Variants in EPG5 observed in about 807,000 individuals in gnomAD.
The protein encoded by EPG5 is ectopic P-granules 5 autophagy tethering factor.
In EPG5, 159 loss-of-function variants were observed where a neutral mutation model predicts 302.7. The ratio of observed to expected loss-of-function variants is 0.53; its 90% CI spans 0.46 to 0.60. The LOEUF (loss-of-function observed/expected upper bound fraction) is 0.60. EPG5 is among the 20% of genes least tolerant of loss of function. EPG5 has a pLI of 0.00. For missense variants in EPG5, 2,896 were observed against 3,092.4 expected, an observed-to-expected ratio of 0.94 and a Z score of 1.51; for synonymous variants, 1,158 against 1,136.8, an observed-to-expected ratio of 1.02 and a Z score of -0.37.
the EPG5 span, among the ~76,000 whole-genome samples, chr18:45,836,148 G>T: frequency 2.6e-5 from 4 of 152,264 alleles, no homozygotes; most frequent in African/African-American, 7.2e-5. Context: ...GGAGCAAATT[G>T]GGCTAAATTA....
At chr18:45,903,277 A>C (rs2049665590) in intron 25 of EPG5, among the ~76,000 whole-genome samples, 1 of 152,112 alleles carries the variant, frequency 6.6e-6, no homozygotes. Context: ...TTTCAAGAAA[A>C]AGTGCAGGGA....
chr18:45,814,006 T>G, the EPG5 span, among the ~76,000 whole-genome samples: 1 of 152,108 alleles, frequency 6.6e-6, no homozygotes, highest in East Asian at 1.9e-4. Flanking sequence ...GAGTAAAAAT[T>G]TGAAATGGGA....
intron 39 of EPG5, 45 bp from the exon 40 acceptor site, chr18:45,860,391 A>T (rs1568097201): frequency 1.2e-6 from 2 of 1,612,808 alleles, no homozygotes; most frequent in East Asian, 4.5e-5. Context: ...CCAGAAAGGT[A>T]CTATCCATGT....
chr18:45,949,436 T>G (rs373875571), intron 5 of EPG5, 48 bp downstream of exon 5: 1 of 1,140,500 alleles, frequency 8.8e-7, no homozygotes, highest in South Asian at 1.5e-5. Context: ...TAATGTCTAA[T>G]AAAACCTCTC....
At chr18:45,877,699 G>A (rs1235279909) in intron 34 of EPG5, among the ~76,000 whole-genome samples, 6 of 152,140 alleles carry the variant, frequency 3.9e-5, no homozygotes, top group African/African-American at 9.7e-5. Flanking sequence ...AGTTCTAGTC[G>A]CAGCTTCAGC....
intron 14 of EPG5, among the ~76,000 whole-genome samples, chr18:45,924,098 T>C (rs1476122218): frequency 6.6e-6 from 1 of 152,080 alleles, no homozygotes; most frequent in Non-Finnish European, 1.5e-5. Flanking sequence ...CTATCATTAG[T>C]TACAATAAAT....
chr18:45,903,827 T>C (rs1599535620), intron 25 of EPG5, 146 bp downstream of exon 25: 3 of 766,290 alleles, frequency 3.9e-6, no homozygotes, highest in East Asian at 6.3e-5. Context: ...ATTTACACCA[T>C]TGTGTAAGTC....
rs1347914457 is a variant in EPG5, at chr18:45,882,501, GA to G, written c.5305-15del. 6.3e-7 allele frequency: 1 copy of G among 1,593,142 alleles called. No homozygotes were observed. Among genetic ancestry groups the G allele is most frequent in the Non-Finnish European group, 8.5e-7 (1 of 1,170,758 alleles). On this transcript the variant is annotated splice_polypyrimidine_tract_variant and intron_variant, in intron 30 of 43. Coordinates refer to ENST00000282041, the MANE Select transcript of EPG5 (RefSeq NM_020964.3). ...TTTAAGATCGAACTAAAAAGAAAAA[GA>G]AACAAAAAGCCGTTTTATTTGCACT...
At chr18:45,847,343 T>C (rs1339996392), downstream of EPG5, among the ~76,000 whole-genome samples, 1 of 152,202 alleles carries the variant, frequency 6.6e-6, no homozygotes, top group Non-Finnish European at 1.5e-5. Context: ...TTTATGGCCC[T>C]GCTCTTACCA....
chr18:45,891,722 A>C (rs2049355835), intron 27 of EPG5, among the ~76,000 whole-genome samples: 1 of 152,210 alleles, frequency 6.6e-6, no homozygotes, highest in African/African-American at 2.4e-5. Context: ...AATGCACAAA[A>C]GTGAATATTC....
chr18:45,857,639 A>C, intron 42 of EPG5: 1 of 522,928 alleles, frequency 1.9e-6, no homozygotes, highest in Non-Finnish European at 3.4e-6. Flanking sequence ...TGAATTGAAA[A>C]TTTTTTTTAA....
chr18:45,919,005 C>A (rs1261475464), intron 16 of EPG5, among the ~76,000 whole-genome samples: 1 of 151,640 alleles, frequency 6.6e-6, no homozygotes, highest in African/African-American at 2.4e-5. Flanking sequence ...AAGCTACTTA[C>A]AATTGTAAAG....
At position 45,912,352 on chromosome 18, in the gene EPG5, G is replaced by C; in HGVS notation, c.3921C>G (p.Leu1307=). Residue 1307 remains leucine, a synonymous_variant, in exon 22 of 44, where the codon CTC becomes CTG. Transcript: ENST00000282041. ...AGAACTTCTGCCAAATGAGTGGCAG[G>C]AGGGGGTGATCAGAAGGTGTGACCA... is the stretch of plus-strand genomic sequence containing the variant. The part of the protein sequence containing the change: ...QALVTPSDHP[L]LPLIWQKFFL... The C allele has an allele frequency of 6.2e-7, 1 of 1,611,750 alleles. No homozygotes were observed. The highest frequency in any genetic ancestry group is 8.5e-7 in the Non-Finnish European group (1 of 1,179,142).
intron 11 of EPG5, among the ~76,000 whole-genome samples, chr18:45,931,546 G>A (rs2050396716): frequency 6.6e-6 from 1 of 152,114 alleles, no homozygotes; most frequent in African/African-American, 2.4e-5. Flanking sequence ...AAAAATATAT[G>A]TGCTTGGCCG....
At position 45,866,937 on chromosome 18, in the gene EPG5, T is replaced by C; in HGVS notation, c.6482A>G (p.Tyr2161Cys). The C allele has an allele frequency of 6.2e-7, 1 of 1,614,210 alleles. No individual in the cohort carries two copies. ...GCTGAAATAACTTAGCACACTCTGG[T>C]ACGACACAATATCCACAAGATGCCA... ...LSWHLVDIVS[Y>C]QSVLSYFSSH... Residue 2161 changes from tyrosine to cysteine, a missense_variant, in exon 38 of 44, where the codon TAC (tyrosine) becomes TGC (cysteine). Tyr to Cys is a radical substitution (Grantham distance 194, BLOSUM62 -2). Transcript: ENST00000282041.
chr18:45,925,781 G>A lies in EPG5; in HGVS notation c.2675C>T (p.Ala892Val). The change falls in exon 14 of 44, where the codon GCC (alanine) becomes GTC (valine). Residue 892 changes from alanine (A) to valine (V), a missense_variant. Around this residue, in one of 5 missense-constraint regions of EPG5, gnomAD observed 1,390 missense variants for 1,430.0 expected, o/e 0.97. Transcript: ENST00000282041. ...YNLTVVKNKL[A>V]CVILEGLNWG... ...ATTCAGTCCTTCAAGAATAACACAG[G>A]CCAGTTTATTCTTCACCACTGTCAG... is the stretch of plus-strand genomic sequence containing the variant. The A allele has an allele frequency of 6.4e-7, 1 of 1,570,794 alleles. No homozygotes were observed. The highest frequency in any genetic ancestry group is 2.0e-5 in the Admixed American group (1 of 50,862).
chr18:45,871,336 G>A (rs774503063), intron 35 of EPG5, among the ~76,000 whole-genome samples: 3 of 152,174 alleles, frequency 2.0e-5, no homozygotes, highest in Non-Finnish European at 2.9e-5. Flanking sequence ...TGGGGGGAGT[G>A]TAAATTAGTA....
At chr18:45,855,363 T>G in intron 43 of EPG5, 1 of 477,702 alleles carries the variant, frequency 2.1e-6, no homozygotes, top group Non-Finnish European at 3.8e-6. Flanking sequence ...TTTTCTACAA[T>G]GACAGTAGCA....
chr18:45,872,659 G>A (rs185495637), intron 35 of EPG5, among the ~76,000 whole-genome samples: 1 of 151,954 alleles, frequency 6.6e-6, no homozygotes, highest in Non-Finnish European at 1.5e-5. Flanking sequence ...AGCCAAGATC[G>A]CACCACCGCA....
Sources: allele counts gnomAD v4.1 joint callset (sites outside exome capture counted in the v4.1 genomes callset), GRCh38; gene constraint gnomAD v4.1.1; regional missense constraint gnomAD v4.1.1; transcripts MANE v1.5; gene names NCBI Gene and HGNC (gene_info 2026-07-23, HGNC 2026-07-21).